Variants in CDC16 observed in about 807,000 individuals in gnomAD.
CDC16 encodes the protein cell division cycle protein 16 homolog.
In CDC16, 34 loss-of-function variants were observed where a neutral mutation model predicts 87.0. The ratio of observed to expected loss-of-function variants is 0.39; its 90% confidence interval spans 0.30 to 0.52. CDC16 has a LOEUF of 0.52. CDC16 is among the 20% of genes least tolerant of loss of function. The probability of loss-of-function intolerance (pLI) is 0.74; values close to 1 mark genes in which losing one functional copy is unlikely to be tolerated. For synonymous variants in CDC16, 263 were observed against 260.6 expected (o/e 1.01, Z -0.09); for missense variants, 653 against 751.9 (o/e 0.87, Z 1.54).
intron 11 of CDC16, among the ~76,000 whole-genome samples, chr13:114,249,020 G>A (rs1444603867): frequency 3.3e-5 from 5 of 151,878 alleles, no homozygotes; most frequent in East Asian, 3.9e-4. Flanking sequence ...TACATTTATC[G>A]TGTGCTTTTT....
chr13:114,245,765 C>T, intron 9 of CDC16: 1 of 450,526 alleles, frequency 2.2e-6, no homozygotes, highest in South Asian at 2.8e-5. Flanking sequence ...TTGCTGTATC[C>T]TCTGCAGTAT....
At chr13:114,238,891 A>G (rs896319920) in intron 3 of CDC16, 99 bp from the exon 4 acceptor site, 9 of 1,432,628 alleles carry the variant, frequency 6.3e-6, no homozygotes, top group African/African-American at 1.4e-5. Flanking sequence ...TAAAAGGAGA[A>G]ATTATGAAAT....
At chr13:114,238,762 C>T (rs1392173068) in intron 3 of CDC16, among the ~76,000 whole-genome samples, 1 of 152,216 alleles carries the variant, frequency 6.6e-6, no homozygotes, top group Non-Finnish European at 1.5e-5. Context: ...TTCACATCTC[C>T]CCTACTGTAA....
intron 12 of CDC16, among the ~76,000 whole-genome samples, chr13:114,252,056 A>G (rs113674603): frequency 0.012 from 1,392 of 114,004 alleles, 12 homozygotes; most frequent in Admixed American, 0.021. Flanking sequence ...CCCTACACTA[A>G]CCCTATTGGA....
chr13:114,257,052 A>G, intron 12 of CDC16, 26 bp from the exon 13 acceptor site: 1 of 1,485,422 alleles, frequency 6.7e-7, no homozygotes. Flanking sequence ...TTGGTGTTGA[A>G]TATGTGAAAT....
At chr13:114,253,929 C>G (rs2082347943) in intron 12 of CDC16, among the ~76,000 whole-genome samples, 1 of 152,162 alleles carries the variant, frequency 6.6e-6, no homozygotes, top group South Asian at 2.1e-4. Context: ...TTGTGTATTT[C>G]TCCCTCCAAT....
intron 14 of CDC16, 92 bp downstream of exon 14, chr13:114,259,490 G>A (rs541459415): frequency 5.9e-6 from 4 of 674,102 alleles, no homozygotes; most frequent in Admixed American, 6.2e-5. Flanking sequence ...TCTTGCCTTC[G>A]AAGATAGTAA....
At chr13:114,259,576 G>GT (rs1250869131) in intron 14 of CDC16, among the ~76,000 whole-genome samples, 178 bp downstream of exon 14, 1 of 152,334 alleles carries the variant, frequency 6.6e-6, no homozygotes, top group Admixed American at 6.5e-5. Flanking sequence ...TAAGAAATGA[G>GT]TTTTTTCCCT....
intron 8 of CDC16, among the ~76,000 whole-genome samples, chr13:114,244,247 TGAAAATTC>T (rs2081723741): frequency 6.6e-6 from 1 of 152,228 alleles, no homozygotes; most frequent in Admixed American, 6.5e-5. Context: ...TTTGCAAGTT[TGAAAATTC>T]CATTTTGGCA....
chr13:114,255,443 A>C (rs977627106), intron 12 of CDC16, among the ~76,000 whole-genome samples: 1 of 152,196 alleles, frequency 6.6e-6, no homozygotes, highest in African/African-American at 2.4e-5. Context: ...CAACAATATA[A>C]TTGCACATTG....
chr13:114,256,317 T>A (rs2082494871), intron 12 of CDC16, among the ~76,000 whole-genome samples: 1 of 152,192 alleles, frequency 6.6e-6, no homozygotes, highest in Non-Finnish European at 1.5e-5. Flanking sequence ...TTCTACCAGG[T>A]GTAAATATTT....
intron 11 of CDC16, chr13:114,247,220 C>A: frequency 1.8e-6 from 1 of 542,854 alleles, no homozygotes; most frequent in Admixed American, 3.3e-5. Context: ...CTCTGTTGCC[C>A]AGACTAGAGT....
intron 1 of CDC16, among the ~76,000 whole-genome samples, chr13:114,235,382 C>A (rs1468447578): frequency 6.6e-6 from 1 of 152,188 alleles, no homozygotes; most frequent in East Asian, 1.9e-4. Flanking sequence ...GTCTGAGCCT[C>A]GTTCTGCACC....
chr13:114,254,149 T>G (rs1179672500), intron 12 of CDC16, among the ~76,000 whole-genome samples: 1 of 152,208 alleles, frequency 6.6e-6, no homozygotes, highest in Non-Finnish European at 1.5e-5. Context: ...ATGGTGTGGT[T>G]TTTTTCATTC....
intron 12 of CDC16, among the ~76,000 whole-genome samples, chr13:114,256,380 T>C (rs17291362): frequency 0.018 from 2,817 of 152,326 alleles, 89 homozygotes; most frequent in African/African-American, 0.064. Flanking sequence ...ATTTGAGTTA[T>C]GACTCTAGAT....
chr13:114,254,188 A>G (rs1181307577), intron 12 of CDC16, among the ~76,000 whole-genome samples: 1 of 152,116 alleles, frequency 6.6e-6, no homozygotes, highest in Admixed American at 6.6e-5. Context: ...TTTTGAATCT[A>G]AAGCATGTCT....
Position 114,254,482 on chromosome 13 carries a change from C to T in CDC16, c.1098-2596C>T, listed in dbSNP as rs568801371. ...TAATACCAATTTAATTTTAATAGTA[C>T]GCCCAAACCTTACTCCGATATAGCT... is the stretch of plus-strand genomic sequence containing the variant. On this transcript the variant is annotated intron_variant, in intron 12 of 17. Coordinates refer to ENST00000356221, the MANE Select transcript of CDC16 (RefSeq NM_001078645.3). 3.2e-4 allele frequency among the ~76,000 whole-genome samples: 49 copies of T among 152,196 alleles called. No individual in the cohort carries two copies. In the South Asian group the frequency reaches 8.7e-3, roughly 27 times the overall value.
At chr13:114,270,144 T>C (rs951281260) in intron 17 of CDC16, among the ~76,000 whole-genome samples, 1 of 152,164 alleles carries the variant, frequency 6.6e-6, no homozygotes, top group Non-Finnish European at 1.5e-5. Context: ...GAAATGTAAT[T>C]GGCTCACAGT....
At position 114,265,157 on chromosome 13, in the gene CDC16, G is replaced by T; in HGVS notation, c.1520G>T (p.Gly507Val). ...CTGAATCTTTTATGGCAGGCCCTTG[G>T]TCTTAGGCGAGATGATACATTTTCT... is the stretch of plus-strand genomic sequence containing the variant. ...NAVDYFHTAL[G>V]LRRDDTFSVT... The change falls in exon 17 of 18, where the codon GGT becomes GTT. Residue 507 changes from glycine (G) to valine (V), a missense_variant. Transcript: ENST00000356221. 1 of 1,606,730 alleles carries T rather than the reference G, an allele frequency of 6.2e-7. No individual in the cohort carries two copies. The highest frequency in any genetic ancestry group is 1.3e-5 in the African/African-American group (1 of 74,858).
Sources: allele counts gnomAD v4.1 joint callset (sites outside exome capture counted in the v4.1 genomes callset), GRCh38; gene constraint gnomAD v4.1.1; transcripts MANE v1.5; gene names NCBI Gene and HGNC (gene_info 2026-07-23, HGNC 2026-07-21).